Variants in MAPK14 observed in about 807,000 individuals in gnomAD.
The protein encoded by MAPK14 is mitogen-activated protein kinase 14, also known as CSAID-binding protein.
A neutral mutation model predicts 49.6 loss-of-function variants in MAPK14; 16 were observed. The ratio of observed to expected loss-of-function variants is 0.32; its 90% CI spans 0.22 to 0.49. The LOEUF (loss-of-function observed/expected upper bound fraction) is 0.49, where lower values mean the gene tolerates loss of function less well. Among genes scored for constraint, MAPK14 ranks in the 20% least tolerant of loss-of-function variants. MAPK14 has a pLI of 0.99. For missense variants in MAPK14, 200 were observed against 441.2 expected, an observed-to-expected ratio of 0.45 and a Z score of 4.90; for synonymous variants, 142 against 158.0, an observed-to-expected ratio of 0.90 and a Z score of 0.76.
At chr6:36,084,428 A>G (rs1441336718) in intron 8 of MAPK14, among the ~76,000 whole-genome samples, 2 of 152,200 alleles carry the variant, frequency 1.3e-5, no homozygotes, top group Non-Finnish European at 1.5e-5. Flanking sequence ...TTCTAACCCA[A>G]TGCAAAGAAT....
chr6:36,092,593 C>A, intron 8 of MAPK14: 1 of 452,674 alleles, frequency 2.2e-6, no homozygotes, highest in South Asian at 1.8e-5. Flanking sequence ...ATTAACTCCT[C>A]TGAAATAATA....
At chr6:36,114,413 T>A (rs1457188106), downstream of MAPK14, among the ~76,000 whole-genome samples, 3 of 152,084 alleles carry the variant, frequency 2.0e-5, no homozygotes, top group Non-Finnish European at 4.4e-5. Flanking sequence ...GGTCAGGAGT[T>A]CAAAACCAGC....
chr6:36,108,310 A>T, intron 11 of MAPK14, 70 bp from the exon 12 acceptor site: 1 of 1,149,320 alleles, frequency 8.7e-7, no homozygotes, highest in Non-Finnish European at 1.3e-6. Context: ...TGAGCTTAGA[A>T]GTCAGAGTGC....
At chr6:36,118,815 G>A in the MAPK14 span, among the ~76,000 whole-genome samples, 2 of 152,108 alleles carry the variant, frequency 1.3e-5, no homozygotes, top group African/African-American at 4.8e-5. Flanking sequence ...GCAAACAGCC[G>A]AGTGGCTGCT....
chr6:36,051,632 T>G (rs776507618), intron 1 of MAPK14, among the ~76,000 whole-genome samples: 3 of 152,170 alleles, frequency 2.0e-5, no homozygotes, highest in Non-Finnish European at 4.4e-5. Flanking sequence ...TTCTGAGAGA[T>G]AGCAGAGTCA....
chr6:36,078,748 G>T (rs928319003), intron 8 of MAPK14, among the ~76,000 whole-genome samples: 5 of 152,082 alleles, frequency 3.3e-5, no homozygotes, highest in African/African-American at 4.8e-5. Context: ...TGTAAAAGTC[G>T]AATTCAAAGG....
intron 10 of MAPK14, among the ~76,000 whole-genome samples, chr6:36,104,307 T>C (rs1765733638): frequency 6.6e-6 from 1 of 152,196 alleles, no homozygotes; most frequent in Admixed American, 6.5e-5. Flanking sequence ...ATTTGAGCTG[T>C]ATTATCTAGT....
At chr6:36,122,236 C>T in the MAPK14 span, among the ~76,000 whole-genome samples, 1 of 152,212 alleles carries the variant, frequency 6.6e-6, no homozygotes, top group South Asian at 2.1e-4. Context: ...GCAAGGAGAC[C>T]CTGTGGCCTC....
intron 8 of MAPK14, among the ~76,000 whole-genome samples, chr6:36,084,052 G>A (rs114902240): frequency 0.011 from 1,691 of 152,288 alleles, 22 homozygotes; most frequent in African/African-American, 0.038. Flanking sequence ...AGGTACAGGA[G>A]GGACCCAGGC....
intron 8 of MAPK14, among the ~76,000 whole-genome samples, chr6:36,087,486 C>T (rs1211266976): frequency 6.6e-6 from 1 of 152,150 alleles, no homozygotes; most frequent in East Asian, 1.9e-4. Flanking sequence ...TATACACCAA[C>T]AGTAGGCAAG....
chr6:36,031,347 T>C (rs989433554), intron 1 of MAPK14, among the ~76,000 whole-genome samples: 2 of 152,036 alleles, frequency 1.3e-5, no homozygotes, highest in Non-Finnish European at 2.9e-5. Flanking sequence ...CCTTTTTAGG[T>C]GTGGCAGAAA....
chr6:36,036,940 C>T (rs1762774963), intron 1 of MAPK14, among the ~76,000 whole-genome samples: 1 of 152,028 alleles, frequency 6.6e-6, no homozygotes, highest in Admixed American at 6.6e-5. Context: ...GGGGTTTCAC[C>T]ATGTTGGCTA....
At chr6:36,060,206 T>A (rs947760225) in intron 3 of MAPK14, among the ~76,000 whole-genome samples, 1 of 152,136 alleles carries the variant, frequency 6.6e-6, no homozygotes, top group African/African-American at 2.4e-5. Context: ...GTAATGCACC[T>A]CAGATGGGGA....
chr6:36,103,234 A>G (rs912448417), intron 10 of MAPK14, among the ~76,000 whole-genome samples: 6 of 152,158 alleles, frequency 3.9e-5, no homozygotes, highest in African/African-American at 9.7e-5. Flanking sequence ...ATGGCTTCCT[A>G]TGCCTTCAAG....
rs1403476935 is a variant in MAPK14 at position 36,028,185 on chromosome 6, C to T, written c.28C>T (p.Arg10Trp). The change falls in exon 1 of 12, where the codon CGG (arginine) becomes TGG (tryptophan). Residue 10 changes from arginine (R) to tryptophan (W), a missense_variant. By Grantham distance (101) the Arg-to-Trp change is moderately radical. Coordinates refer to ENST00000229794, the MANE Select transcript of MAPK14 (RefSeq NM_139012.3). This position sits in a 1 kb window ranked among gnomAD's most constrained non-coding sequence, Gnocchi z 5.1. MSQERPTFY[R>W]QELNKTIWEV... is the part of the protein sequence containing the mutation. ...GTCTCAGGAGAGGCCCACGTTCTAC[C>T]GGCAGGAGCTGAACAAGACAATCTG... is the stretch of plus-strand genomic sequence containing the variant. 2 of 1,613,580 alleles carry T rather than the reference C, an allele frequency of 1.2e-6. No homozygotes were observed. The highest frequency in any genetic ancestry group is 1.7e-6 in the Non-Finnish European group (2 of 1,179,682).
chr6:36,073,847 G>C, intron 5 of MAPK14, 127 bp downstream of exon 5: 1 of 1,035,248 alleles, frequency 9.7e-7, no homozygotes, highest in Non-Finnish European at 1.5e-6. Flanking sequence ...CTTTACTGTA[G>C]GTTTAAGCTG....
intron 8 of MAPK14, among the ~76,000 whole-genome samples, chr6:36,094,999 C>T (rs1562147525): frequency 6.6e-6 from 1 of 152,164 alleles, no homozygotes; most frequent in African/African-American, 2.4e-5. Context: ...CCCCTTCTCC[C>T]TCCCTGGAAT....
intron 3 of MAPK14, among the ~76,000 whole-genome samples, chr6:36,067,490 A>T (rs559484714): frequency 1.3e-5 from 2 of 152,122 alleles, no homozygotes; most frequent in Admixed American, 1.3e-4. Context: ...GTCACTGTTT[A>T]TAACTGGTTG....
intron 8 of MAPK14, among the ~76,000 whole-genome samples, chr6:36,078,971 C>G (rs901195195): frequency 3.3e-5 from 5 of 152,220 alleles, no homozygotes; most frequent in Non-Finnish European, 5.9e-5. Context: ...CTGGGGACCA[C>G]CCCAAAGACT....
Sources: allele counts gnomAD v4.1 joint callset (sites outside exome capture counted in the v4.1 genomes callset), GRCh38; gene constraint gnomAD v4.1.1; non-coding constraint Gnocchi (gnomAD v3.1); transcripts MANE v1.5; gene names NCBI Gene and HGNC (gene_info 2026-07-23, HGNC 2026-07-21).